SAAL1: variants seen among roughly 807,000 people sequenced by gnomAD.
The protein encoded by SAAL1 is serum amyloid A like 1.
Under a neutral mutation model 59.8 loss-of-function variants are expected in SAAL1, and 42 were observed. The ratio of observed to expected loss-of-function variants is 0.70; its 90% CI spans 0.55 to 0.91. SAAL1 has a LOEUF of 0.91. SAAL1 is among the 40% of genes least tolerant of loss of function. The probability of loss-of-function intolerance (pLI) is 0.00; values close to 1 mark genes in which losing one functional copy is unlikely to be tolerated. For missense variants in SAAL1, 542 were observed against 561.1 expected (o/e 0.97, Z 0.34); for synonymous variants, 191 against 194.3 (o/e 0.98, Z 0.14).
intron 3 of SAAL1, among the ~76,000 whole-genome samples, chr11:18,096,183 G>A (rs996601801): frequency 5.9e-5 from 9 of 152,150 alleles, no homozygotes; most frequent in Non-Finnish European, 1.0e-4. Flanking sequence ...TGCCTAACTC[G>A]TCTCCACAGC....
chr11:18,087,727 T>C (rs1848481454), intron 7 of SAAL1, among the ~76,000 whole-genome samples: 2 of 152,202 alleles, frequency 1.3e-5, no homozygotes, highest in African/African-American at 2.4e-5. Flanking sequence ...AAAATCTAAA[T>C]AGTTTGGAAA....
At chr11:18,100,880 A>G (rs1848626981) in intron 2 of SAAL1, among the ~76,000 whole-genome samples, 3 of 152,206 alleles carry the variant, frequency 2.0e-5, no homozygotes, top group African/African-American at 7.2e-5. Context: ...AATGGATCAC[A>G]GACTTATATG....
At chr11:18,092,957 G>T (rs1173528577) in intron 3 of SAAL1, among the ~76,000 whole-genome samples, 4 of 151,920 alleles carry the variant, frequency 2.6e-5, no homozygotes, top group African/African-American at 9.7e-5. Context: ...GTCAACCTTG[G>T]TATAAAAGTA....
At chr11:18,100,711 T>C (rs1037650604) in intron 2 of SAAL1, among the ~76,000 whole-genome samples, 1 of 152,220 alleles carries the variant, frequency 6.6e-6, no homozygotes, top group Non-Finnish European at 1.5e-5. Flanking sequence ...TTTCAAACTA[T>C]AAAGTATGTG....
intron 9 of SAAL1, among the ~76,000 whole-genome samples, chr11:18,085,489 C>G (rs910064994): frequency 2.6e-5 from 4 of 151,950 alleles, no homozygotes; most frequent in Non-Finnish European, 5.9e-5. Context: ...ATGAAGAAAC[C>G]ATTACTGAGG....
chr11:18,087,979 C>A (rs566140467), intron 7 of SAAL1, among the ~76,000 whole-genome samples: 1 of 152,186 alleles, frequency 6.6e-6, no homozygotes, highest in East Asian at 1.9e-4. Context: ...AGGAACTTCA[C>A]AAAGCAAGGA....
intron 3 of SAAL1, among the ~76,000 whole-genome samples, chr11:18,095,168 T>C (rs546037715): frequency 6.2e-4 from 94 of 152,260 alleles, no homozygotes; most frequent in African/African-American, 2.2e-3. Flanking sequence ...CCCAGGTGAT[T>C]CTAACATGCA....
chr11:18,087,106 A>G, intron 8 of SAAL1, 37 bp downstream of exon 8: 1 of 1,595,404 alleles, frequency 6.3e-7, no homozygotes, highest in Admixed American at 1.7e-5. Context: ...AAACAATTAA[A>G]TGAGTAACTG....
intron 2 of SAAL1, among the ~76,000 whole-genome samples, chr11:18,101,803 G>T (rs1252209627): frequency 7.0e-6 from 1 of 143,834 alleles, no homozygotes; most frequent in South Asian, 2.2e-4. Context: ...TACATATAAT[G>T]GAATACCATT....
At chr11:18,085,421 A>G (rs1268658294) in intron 9 of SAAL1, among the ~76,000 whole-genome samples, 1 of 126,322 alleles carries the variant, frequency 7.9e-6, no homozygotes, top group African/African-American at 3.5e-5. Context: ...AGACAATAGT[A>G]AACCCAAAAG....
rs1470072240 is a variant in SAAL1, at chr11:18,080,446, C to G, written c.1378G>C (p.Ala460Pro). 1 of 1,593,432 alleles carries G rather than the reference C, an allele frequency of 6.3e-7. No homozygotes were observed. The highest frequency in any genetic ancestry group is 1.4e-5 in the African/African-American group (1 of 73,366). Residue 460 changes from alanine (A) to proline (P), a missense_variant, in exon 12 of 12, where the codon GCT (alanine) becomes CCT (proline). Ala to Pro is a conservative substitution (Grantham distance 27). Transcript: ENST00000524803. ...KILREVDKAL[A>P]DDLEKNFPSL... ...GGGAAGTTTTTTTCCAAGTCATCAG[C>G]AAGCGCCTTATCAACTTCACGTAGG... is the stretch of plus-strand genomic sequence containing the variant.
intron 2 of SAAL1, among the ~76,000 whole-genome samples, chr11:18,100,782 C>T (rs1404784693): frequency 6.6e-6 from 1 of 152,104 alleles, no homozygotes. Flanking sequence ...GTCTTTTCAA[C>T]AAATGAACTT....
intron 3 of SAAL1, among the ~76,000 whole-genome samples, chr11:18,092,744 T>G (rs1379819965): frequency 6.6e-6 from 1 of 152,178 alleles, no homozygotes; most frequent in Non-Finnish European, 1.5e-5. Flanking sequence ...AGGTAAATAC[T>G]GCAGGTATAA....
intron 3 of SAAL1, among the ~76,000 whole-genome samples, chr11:18,096,451 C>T (rs550826687): frequency 1.6e-4 from 25 of 152,080 alleles, no homozygotes; most frequent in South Asian, 1.0e-3. Flanking sequence ...GGTGTGGTGG[C>T]TTACACCTAT....
chr11:18,099,022 T>C (rs1180857014), intron 2 of SAAL1, among the ~76,000 whole-genome samples: 1 of 152,238 alleles, frequency 6.6e-6, no homozygotes, highest in Non-Finnish European at 1.5e-5. Context: ...GTTTAAAAAG[T>C]GTAGCAACCT....
At chr11:18,083,411 T>C (rs920408182) in intron 10 of SAAL1, 124 bp downstream of exon 10, 4 of 580,038 alleles carry the variant, frequency 6.9e-6, no homozygotes, top group Admixed American at 3.2e-5. Flanking sequence ...CATGGTGATA[T>C]TAAGATTTTA....
In SAAL1 at chr11:18,096,817, T is replaced by C; in HGVS notation, c.287A>G (p.Asp96Gly). 6.3e-7 allele frequency: 1 copy of C among 1,584,610 alleles called. No homozygotes were observed. Among genetic ancestry groups the C allele is most frequent in the South Asian group, 1.1e-5 (1 of 87,372 alleles). ...ALFLQEFNAP[D>G]IFMGVLAKSK... ...CTTGGCCAGTACTCCCATGAATATA[T>C]CAGGAGCATTAAATTCTTGGAGAAA... The change falls in exon 3 of 12, where the codon GAT becomes GGT. Residue 96 changes from aspartate (D) to glycine (G), a missense_variant. Physicochemically the swap from Asp to Gly is moderately conservative, Grantham distance 94 (BLOSUM62 -1). Coordinates refer to ENST00000524803, the MANE Select transcript of SAAL1 (RefSeq NM_138421.3).
intron 2 of SAAL1, among the ~76,000 whole-genome samples, chr11:18,099,797 G>C (rs974244704): frequency 2.6e-5 from 4 of 152,248 alleles, no homozygotes; most frequent in Non-Finnish European, 5.9e-5. Context: ...GGCATGAATA[G>C]TGCCCATGGA....
intron 3 of SAAL1, among the ~76,000 whole-genome samples, chr11:18,096,106 A>G (rs1227867304): frequency 1.3e-5 from 2 of 152,088 alleles, no homozygotes; most frequent in Non-Finnish European, 2.9e-5. Context: ...AGAGAAATCA[A>G]CTGAAAAATG....
Sources: gnomAD v4.1 joint callset for allele counts (sites outside exome capture counted in the v4.1 genomes callset) on GRCh38, gnomAD v4.1.1 for gene constraint, MANE v1.5 for transcripts, NCBI Gene and HGNC (gene_info 2026-07-23, HGNC 2026-07-21) for gene names.